The following ADGRB3 variants were observed in gnomAD, a reference collection of about 807,000 sequenced individuals.
The protein encoded by ADGRB3 is brain-specific angiogenesis inhibitor 3.
A neutral mutation model predicts 193.4 loss-of-function variants in ADGRB3; 37 were observed. The observed-to-expected ratio is 0.19, with a 90% confidence interval of 0.15 to 0.25. ADGRB3 has a LOEUF of 0.25. ADGRB3 is among the 10% of genes least tolerant of loss of function. ADGRB3 has a pLI of 1.00. For synonymous variants in ADGRB3, 690 were observed against 644.2 expected (o/e 1.07, Z -1.08); for missense variants, 1,637 against 1,852.9 (o/e 0.88, Z 2.14).
intron 10 of ADGRB3, among the ~76,000 whole-genome samples, chr6:68,978,515 T>C (rs1768815782): frequency 1.3e-5 from 2 of 151,578 alleles, no homozygotes. Flanking sequence ...TTCAGTAAAG[T>C]ATAGAATGAA....
intron 13 of ADGRB3, among the ~76,000 whole-genome samples, chr6:69,031,079 CTCT>C (rs55824745): frequency 0.082 from 6,368 of 78,028 alleles, 1,117 homozygotes; most frequent in Middle Eastern, 0.31. Context: ...CTCTTCTCTT[CTCT>C]TCTCTTCTCT....
chr6:68,767,672 T>TGGAC (rs1766535912), intron 3 of ADGRB3, among the ~76,000 whole-genome samples: 1 of 152,134 alleles, frequency 6.6e-6, no homozygotes, highest in South Asian at 2.1e-4. Flanking sequence ...TTCAACATAG[T>TGGAC]ATTGGAAGTT....
chr6:69,229,556 A>C (rs1004818585), intron 17 of ADGRB3, among the ~76,000 whole-genome samples: 1 of 152,202 alleles, frequency 6.6e-6, no homozygotes, highest in Non-Finnish European at 1.5e-5. Flanking sequence ...AATAATTTAC[A>C]TGCTGATTTA....
chr6:69,214,075 T>C (rs1194436145), intron 17 of ADGRB3, among the ~76,000 whole-genome samples: 1 of 151,898 alleles, frequency 6.6e-6, no homozygotes, highest in Admixed American at 6.6e-5. Flanking sequence ...GTGTAAAATA[T>C]TAAGGAAAGT....
At chr6:68,787,144 T>C (rs1273184028) in intron 3 of ADGRB3, among the ~76,000 whole-genome samples, 1 of 152,200 alleles carries the variant, frequency 6.6e-6, no homozygotes, top group East Asian at 1.9e-4. Flanking sequence ...ATACCCTTTA[T>C]TTCCTTCTCC....
At chr6:69,095,477 C>T (rs879547752) in intron 17 of ADGRB3, among the ~76,000 whole-genome samples, 4 of 152,072 alleles carry the variant, frequency 2.6e-5, no homozygotes, top group Non-Finnish European at 4.4e-5. Context: ...GCACACCCAA[C>T]ATATTTAGTT....
intron 3 of ADGRB3, among the ~76,000 whole-genome samples, chr6:68,861,247 G>A (rs922120993): frequency 2.0e-5 from 3 of 152,082 alleles, no homozygotes; most frequent in Admixed American, 1.3e-4. Flanking sequence ...GCCTAGGTTT[G>A]CAACCCAACT....
chr6:68,920,246 G>A (rs9446073), intron 3 of ADGRB3, among the ~76,000 whole-genome samples: 2,750 of 152,156 alleles, frequency 0.018, 86 homozygotes, highest in African/African-American at 0.059. Context: ...GGCCAGGTGC[G>A]GTGGCTCACG....
At chr6:68,757,876 A>C (rs1422764216) in intron 3 of ADGRB3, among the ~76,000 whole-genome samples, 2 of 152,060 alleles carry the variant, frequency 1.3e-5, no homozygotes, top group African/African-American at 4.8e-5. Flanking sequence ...TTGACCTTTA[A>C]AATTACTGAT....
At chr6:68,683,063 G>T (rs1206043968) in intron 3 of ADGRB3, among the ~76,000 whole-genome samples, 4 of 151,940 alleles carry the variant, frequency 2.6e-5, no homozygotes, top group African/African-American at 9.7e-5. Context: ...GGGATTATAG[G>T]CATGAGCCAC....
intron 29 of ADGRB3, among the ~76,000 whole-genome samples, chr6:69,369,391 C>T (rs780554679): frequency 6.6e-6 from 1 of 152,086 alleles, no homozygotes; most frequent in East Asian, 1.9e-4. Context: ...TTTCCCAATG[C>T]CCCATGCCCC....
chr6:68,858,341 G>T (rs1486867622), intron 3 of ADGRB3, among the ~76,000 whole-genome samples: 1 of 151,686 alleles, frequency 6.6e-6, no homozygotes, highest in East Asian at 1.9e-4. Context: ...CATCTCTACT[G>T]AAAATACAAA....
intron 23 of ADGRB3, chr6:69,331,498 T>G (rs1283117151): frequency 1.0e-6 from 1 of 982,462 alleles, no homozygotes; most frequent in Non-Finnish European, 1.2e-6. Context: ...AGTGACATCC[T>G]ACTAATTCTG....
intron 3 of ADGRB3, among the ~76,000 whole-genome samples, chr6:68,865,225 T>A (rs1358569559): frequency 2.9e-5 from 4 of 138,974 alleles, no homozygotes; most frequent in Non-Finnish European, 4.8e-5. Flanking sequence ...CCCCCATTAA[T>A]ATTTTGGATA....
rs373434487 is a variant in ADGRB3 at position 68,965,456 on chromosome 6, G to T, written c.1525+8647G>T. 1.7e-3 allele frequency among the ~76,000 whole-genome samples: 250 copies of T among 146,616 alleles called. 2 individuals are homozygous for T. Among genetic ancestry groups the T allele is most frequent in the Middle Eastern group, 6.8e-3 (2 of 292 alleles). On this transcript the variant is annotated intron_variant, in intron 8 of 31. Coordinates refer to ENST00000370598, the MANE Select transcript of ADGRB3 (RefSeq NM_001704.3). ...CTTGAGTAGTACATGTTTTTTTTTT[G>T]TGTGTGTGTATATCAGCTCTATAGT...
At chr6:69,092,230 T>C (rs1298050565) in intron 17 of ADGRB3, among the ~76,000 whole-genome samples, 1 of 152,216 alleles carries the variant, frequency 6.6e-6, no homozygotes, top group Admixed American at 6.5e-5. Flanking sequence ...TTTACCCTTC[T>C]TCAAGGTCAA....
intron 3 of ADGRB3, among the ~76,000 whole-genome samples, chr6:68,762,407 G>C (rs1766410435): frequency 6.6e-6 from 1 of 152,030 alleles, no homozygotes; most frequent in African/African-American, 2.4e-5. Flanking sequence ...AAATCTTACT[G>C]TGAACTCACA....
intron 3 of ADGRB3, among the ~76,000 whole-genome samples, chr6:68,770,387 T>C (rs1161569512): frequency 6.6e-6 from 1 of 152,164 alleles, no homozygotes; most frequent in African/African-American, 2.4e-5. Flanking sequence ...TGAAACCTAA[T>C]GTGTGCCAAA....
chr6:69,249,932 T>G (rs541421349), intron 20 of ADGRB3, among the ~76,000 whole-genome samples: 46 of 152,348 alleles, frequency 3.0e-4, no homozygotes, highest in African/African-American at 9.4e-4. Context: ...TAAATTAAAA[T>G]ATTTATAGTT....
Sources: allele counts gnomAD v4.1 joint callset (sites outside exome capture counted in the v4.1 genomes callset), GRCh38; gene constraint gnomAD v4.1.1; transcripts MANE v1.5; gene names NCBI Gene and HGNC (gene_info 2026-07-23, HGNC 2026-07-21).